Variants in RBL1 observed in about 807,000 individuals in gnomAD.
RBL1 encodes retinoblastoma-like protein 1.
Under a neutral mutation model 123.0 loss-of-function variants are expected in RBL1, and 82 were observed. The ratio of observed to expected loss-of-function variants is 0.67; its 90% CI spans 0.56 to 0.80. The LOEUF (loss-of-function observed/expected upper bound fraction) is 0.80, where lower values mean the gene tolerates loss of function less well. Among genes scored for constraint, RBL1 ranks in the 30% least tolerant of loss-of-function variants. The probability of loss-of-function intolerance (pLI) is 0.00; values close to 1 mark genes in which losing one functional copy is unlikely to be tolerated. For missense variants in RBL1, 1,171 were observed against 1,299.6 expected, an observed-to-expected ratio of 0.90 and a Z score of 1.52; for synonymous variants, 405 against 441.3, an observed-to-expected ratio of 0.92 and a Z score of 1.03.
chr20:37,075,365 T>C (rs1438154455), intron 2 of RBL1, among the ~76,000 whole-genome samples: 6 of 152,180 alleles, frequency 3.9e-5, no homozygotes, highest in Non-Finnish European at 7.3e-5. Context: ...TGTCATAATA[T>C]CTCAATAGGC....
chr20:37,036,381 G>A (rs1385765467), intron 14 of RBL1, among the ~76,000 whole-genome samples: 2 of 151,648 alleles, frequency 1.3e-5, no homozygotes, highest in African/African-American at 2.4e-5. Flanking sequence ...GGGTTCAAGC[G>A]ATTCTCCTGC....
rs1282357636 is a variant in RBL1, at chr20:37,001,038, C to T, written c.3037-2109G>A. ...GGGAGGGAGGTGGGGGGGGTCAGCC[C>T]CCCACCCGGCCAGCCGCCCCATCCG... On this transcript the variant is annotated intron_variant, in intron 21 of 21. Coordinates refer to ENST00000373664, the MANE Select transcript of RBL1 (RefSeq NM_002895.5). Among the ~76,000 whole-genome samples the T allele has an allele frequency of 2.3e-3, 336 of 143,468 alleles. 5 individuals carry two copies. The highest frequency in any genetic ancestry group is 8.4e-3 in the African/African-American group (315 of 37,398). The allele number at this position is 143,468 out of a possible 152,430, so 94.1% of individuals were successfully genotyped here. A position where few individuals can be genotyped will look rare whatever the true frequency, so the allele number is the denominator to read the frequency against.
intron 19 of RBL1, among the ~76,000 whole-genome samples, chr20:37,009,173 T>C (rs1298087337): frequency 6.6e-6 from 1 of 152,090 alleles, no homozygotes; most frequent in Non-Finnish European, 1.5e-5. Context: ...TACAGAAGCA[T>C]GCCACCACGT....
At chr20:37,029,065 G>A (rs1289416016) in intron 16 of RBL1, among the ~76,000 whole-genome samples, 2 of 152,046 alleles carry the variant, frequency 1.3e-5, no homozygotes, top group Non-Finnish European at 2.9e-5. Context: ...AAATCATTCA[G>A]TATAACACAC....
intron 2 of RBL1, among the ~76,000 whole-genome samples, chr20:37,077,113 G>C (rs1047450856): frequency 1.3e-5 from 2 of 151,836 alleles, no homozygotes; most frequent in African/African-American, 2.4e-5. Context: ...ATTTTTTGTA[G>C]TTTTAGAGAG....
chr20:37,001,918 T>TAAAAA (rs757774894), intron 21 of RBL1, among the ~76,000 whole-genome samples: 1,415 of 85,970 alleles, frequency 0.016, no homozygotes, highest in East Asian at 0.02. Flanking sequence ...TGCAGAACAA[T>TAAAAA]AAAAAAAAAA....
intron 2 of RBL1, among the ~76,000 whole-genome samples, chr20:37,069,574 C>G (rs1183435052): frequency 1.4e-5 from 2 of 145,630 alleles, no homozygotes; most frequent in African/African-American, 4.9e-5. Flanking sequence ...GCCGCCCCGT[C>G]TGAGAAGTGA....
chr20:37,001,084 GC>G (rs1354913793), intron 21 of RBL1, among the ~76,000 whole-genome samples: 1 of 147,168 alleles, frequency 6.8e-6, no homozygotes, highest in South Asian at 2.1e-4. Flanking sequence ...GGGGAGGTCA[GC>G]CCCCCGCCTG....
rs2064935366 is a variant in RBL1 at position 37,052,556 on chromosome 20, G to A, written c.1467+2997C>T. ...ATGGAGTCTCACTCTGTTGCACAGG[G>A]TGGAGTGCAGTGGTGCGATCTTGGC... On this transcript the variant is annotated intron_variant, in intron 11 of 21. Transcript: ENST00000373664. Among the ~76,000 whole-genome samples the A allele has an allele frequency of 2.7e-5, 4 of 150,760 alleles. No homozygotes were observed. The South Asian group carries it at 6.3e-4, about 24-fold the overall frequency.
chr20:37,045,794 T>A (rs1455507091), intron 12 of RBL1, among the ~76,000 whole-genome samples: 1 of 152,182 alleles, frequency 6.6e-6, no homozygotes, highest in Non-Finnish European at 1.5e-5. Flanking sequence ...TTCACACAGA[T>A]AAGCTTTCCA....
intron 1 of RBL1, among the ~76,000 whole-genome samples, chr20:37,094,502 G>A (rs932897841): frequency 6.6e-6 from 1 of 152,130 alleles, no homozygotes; most frequent in African/African-American, 2.4e-5. Flanking sequence ...TTATTTCACT[G>A]GGTGGTGAGT....
intron 21 of RBL1, among the ~76,000 whole-genome samples, chr20:36,999,845 C>G (rs1260538992): frequency 6.6e-6 from 1 of 152,194 alleles, no homozygotes; most frequent in Admixed American, 6.5e-5. Context: ...CTCGCTACAA[C>G]CTCCACTTCC....
intron 11 of RBL1, among the ~76,000 whole-genome samples, chr20:37,052,059 G>C (rs2064924042): frequency 6.6e-6 from 1 of 151,150 alleles, no homozygotes; most frequent in Non-Finnish European, 1.5e-5. Context: ...TTTAGATAGA[G>C]TCTCGCTCTG....
At position 37,032,797 on chromosome 20, in the gene RBL1, A is replaced by G. The variant is rs1321032351; in HGVS notation, c.2250T>C (p.Pro750=). ...TTAATGAATGAGCAGTAAGTGATAC[A>G]GGACTCTTGACTTTGGACTCCTGAT... ...NTNQESKVKS[P]VSLTAHSLIG... Residue 750 remains proline (P), a synonymous_variant, in exon 16 of 22, where the codon CCT becomes CCC. Coordinates refer to ENST00000373664, the MANE Select transcript of RBL1 (RefSeq NM_002895.5). 1.2e-6 allele frequency: 2 copies of G among 1,613,998 alleles called. No individual in the cohort carries two copies. Among genetic ancestry groups the G allele is most frequent in the Non-Finnish European group, 1.7e-6 (2 of 1,180,014 alleles).
intron 17 of RBL1, 59 bp downstream of exon 17, chr20:37,022,591 T>A: frequency 6.8e-7 from 1 of 1,478,062 alleles, no homozygotes; most frequent in Non-Finnish European, 9.1e-7. Flanking sequence ...CCTCCGAAAG[T>A]GCTAGGATTA....
rs538211067 is a variant in RBL1 at position 36,997,864 on chromosome 20, T to G, written c.*895A>C. ...CTTAGGGCTGGAAAGCAAGGATGAGTGTAGCACTGGGGCTCAGGTACAAAT... is the reference window on the plus strand; with the variant it reads ...CTTAGGGCTGGAAAGCAAGGATGAGGGTAGCACTGGGGCTCAGGTACAAAT... On this transcript the variant is annotated 3_prime_UTR_variant, in exon 22 of 22. Transcript: ENST00000373664. 6.6e-6 allele frequency: 1 copy of G among 151,934 alleles called. No individual in the cohort carries two copies. The highest frequency in any genetic ancestry group is 1.5e-5 in the Non-Finnish European group (1 of 68,024). 9.4% of individuals were successfully genotyped at this position (151,934 alleles called of 1,614,324 possible).
chr20:37,075,519 G>C (rs550230299), intron 2 of RBL1, among the ~76,000 whole-genome samples: 1 of 151,916 alleles, frequency 6.6e-6, no homozygotes, highest in African/African-American at 2.4e-5. Flanking sequence ...GCAGTGGCGC[G>C]ATCTTGGCTC....
Position 37,068,063 on chromosome 20 carries a change from T to A in RBL1, c.414A>T (p.Lys138Asn), listed in dbSNP as rs774266980. The A allele has an allele frequency of 7.6e-5, 122 of 1,613,534 alleles. No homozygotes were observed. The highest frequency in any genetic ancestry group is 9.9e-5 in the Non-Finnish European group (117 of 1,179,928). The change falls in exon 3 of 22, where the codon AAA becomes AAT. Residue 138 changes from lysine to asparagine, a missense_variant. By Grantham distance (94) the Lys-to-Asn change is moderately conservative. Coordinates refer to ENST00000373664, the MANE Select transcript of RBL1 (RefSeq NM_002895.5). The part of the protein sequence containing the change: ...NFEVSTVIFK[K>N]YEPIFLDIFQ... ...ATATATCTAAAAAAATTGGCTCATA[T>A]TTTTTGAATATTACAGTAGACACCT...
At chr20:37,029,366 C>A (rs913399598) in intron 16 of RBL1, among the ~76,000 whole-genome samples, 1 of 152,050 alleles carries the variant, frequency 6.6e-6, no homozygotes, top group African/African-American at 2.4e-5. Context: ...GTTTCACATC[C>A]CTCAAATACT....
Sources: gnomAD v4.1 joint callset for allele counts (sites outside exome capture counted in the v4.1 genomes callset) on GRCh38, gnomAD v4.1.1 for gene constraint, MANE v1.5 for transcripts, NCBI Gene and HGNC (gene_info 2026-07-23, HGNC 2026-07-21) for gene names.